MKNK1: variants seen among roughly 807,000 people sequenced by gnomAD.
MKNK1 encodes the protein MAPK interacting serine/threonine kinase 1.
MKNK1 carries 30 observed loss-of-function variants against 49.3 expected under a neutral mutation model. The ratio of observed to expected loss-of-function variants is 0.61; its 90% CI spans 0.46 to 0.83. MKNK1 has a LOEUF of 0.83. Among genes scored for constraint, MKNK1 ranks in the 40% least tolerant of loss-of-function variants. The pLI, the probability that MKNK1 is intolerant of heterozygous loss-of-function variation, is 0.00. For missense variants in MKNK1, 423 were observed against 524.7 expected, an observed-to-expected ratio of 0.81 and a Z score of 1.89; for synonymous variants, 176 against 201.7, an observed-to-expected ratio of 0.87 and a Z score of 1.08.
chr1:46,569,309 A>AG (rs1212764541), intron 7 of MKNK1: 1 of 152,284 alleles, frequency 6.6e-6, no homozygotes, highest in Non-Finnish European at 1.5e-5. Flanking sequence ...TTAGCCCATG[A>AG]GGGGTTAACC....
At chr1:46,591,650 C>T (rs909944607) in intron 2 of MKNK1, among the ~76,000 whole-genome samples, 10 of 152,146 alleles carry the variant, frequency 6.6e-5, no homozygotes, top group Admixed American at 1.3e-4. Flanking sequence ...ACGCAGCCCA[C>T]GAGGCTCTCC....
chr1:46,559,902 G>A, intron 12 of MKNK1: 1 of 421,328 alleles, frequency 2.4e-6, no homozygotes, highest in East Asian at 4.5e-5. Flanking sequence ...AAATACAAGG[G>A]CAGAGGGAAG....
chr1:46,586,358 T>C (rs1672569769), intron 2 of MKNK1: 1 of 201,278 alleles, frequency 5.0e-6, no homozygotes, highest in South Asian at 9.1e-5. Context: ...GGAAGTCAGT[T>C]AGGTGCTATG....
chr1:46,558,728 G>A lies in MKNK1; in HGVS notation c.1086C>T (p.His362=), dbSNP rs773196707. The A allele has an allele frequency of 2.2e-5, 35 of 1,614,122 alleles. No homozygotes were observed. The highest frequency in any genetic ancestry group is 2.7e-5 in the African/African-American group (2 of 74,954). The stretch of plus-strand genomic sequence containing the variant: ...GCTCCTCTGCTAGTTCGTTCTCTTC[G>A]TGCTGAGATAGCTGGCGGTTAAGGG... ...AIALNRQLSQ[H]EENELAEEPE... is the part of the protein sequence containing the mutation. Residue 362 remains histidine (H), a synonymous_variant, in exon 13 of 13, where the codon CAC becomes CAT. Transcript: ENST00000371945.
At chr1:46,583,737 G>C (rs535697018) in intron 2 of MKNK1, among the ~76,000 whole-genome samples, 1 of 152,276 alleles carries the variant, frequency 6.6e-6, no homozygotes, top group East Asian at 1.9e-4. Flanking sequence ...AGGCAAGAAG[G>C]GGGTTGGGAG....
intron 1 of MKNK1, among the ~76,000 whole-genome samples, chr1:46,602,913 G>C (rs934559265): frequency 2.4e-4 from 37 of 152,196 alleles, no homozygotes; most frequent in African/African-American, 8.4e-4. Context: ...TTCTAAGCAC[G>C]TGCTGGGCTC....
intron 9 of MKNK1, 67 bp from the exon 10 acceptor site, chr1:46,562,910 G>T: frequency 7.6e-7 from 1 of 1,309,586 alleles, no homozygotes. Context: ...ACAGCAGAGG[G>T]GATGGCAGAG....
intron 4 of MKNK1, among the ~76,000 whole-genome samples, chr1:46,580,218 G>A (rs1345733453): frequency 2.0e-5 from 3 of 152,172 alleles, no homozygotes. Flanking sequence ...GACTTCATTT[G>A]TCAGAATAAT....
At chr1:46,579,886 T>C (rs1308577213) in intron 4 of MKNK1, among the ~76,000 whole-genome samples, 1 of 142,936 alleles carries the variant, frequency 7.0e-6, no homozygotes, top group Admixed American at 6.6e-5. Context: ...TTTTCTTCTT[T>C]TAATTTTTTT....
intron 5 of MKNK1, 80 bp from the exon 6 acceptor site, chr1:46,575,100 G>A: frequency 2.2e-6 from 2 of 921,602 alleles, no homozygotes; most frequent in Admixed American, 2.7e-5. Context: ...AATATACAAT[G>A]AAAAAAATAT....
intron 10 of MKNK1, 157 bp from the exon 11 acceptor site, chr1:46,561,799 G>A (rs773333412): frequency 8.2e-6 from 6 of 732,732 alleles, no homozygotes; most frequent in South Asian, 3.7e-5. Flanking sequence ...GACTCACCCC[G>A]CACTGTCCCC....
intron 9 of MKNK1, among the ~76,000 whole-genome samples, chr1:46,564,063 A>AAAG (rs1668557112): frequency 6.7e-6 from 1 of 149,334 alleles, no homozygotes; most frequent in African/African-American, 2.5e-5. Flanking sequence ...AAAAAAAAAA[A>AAAG]AAGGGTTATT....
intron 3 of MKNK1, 139 bp downstream of exon 3, chr1:46,583,089 A>C (rs1671985701): frequency 1.3e-6 from 1 of 742,138 alleles, no homozygotes; most frequent in African/African-American, 1.7e-5. Flanking sequence ...CCTCATCCCC[A>C]TCTTATCTCC....
Position 46,594,252 on chromosome 1 carries a change from A to G in MKNK1, c.-142T>C, listed in dbSNP as rs1210552256. ...CCTTTGTGCGTAGGTGGCAATCTTC[A>G]GTTCTCCATCGGCCTCTGACATGGA... is the stretch of plus-strand genomic sequence containing the variant. On this transcript the variant is annotated 5_prime_UTR_variant, in exon 2 of 13. An upstream open reading frame in the 5' UTR loses its in-frame stop. Transcript: ENST00000371945. 2 of 859,650 alleles carry G rather than the reference A, an allele frequency of 2.3e-6. No individual in the cohort carries two copies. The highest frequency in any genetic ancestry group is 4.0e-6 in the Non-Finnish European group (2 of 498,610). The allele number at this position is 859,650 out of a possible 1,614,324, so 53.3% of individuals were successfully genotyped here. A position where few individuals can be genotyped will look rare whatever the true frequency, so the allele number is the denominator to read the frequency against.
Position 46,568,443 on chromosome 1 carries a change from C to T in MKNK1, c.513G>A (p.Lys171=). The change falls in exon 8 of 13, where the codon AAG becomes AAA. Residue 171 remains lysine (K), a splice_region_variant and synonymous_variant. Coordinates refer to ENST00000371945, the MANE Select transcript of MKNK1 (RefSeq NM_001135553.4). ...ACATTCCAAATCAGGCCCAAAGTAC[C>T]TTTTCTGGAGATTCACACAATATAT... ...PENILCESPE[K]VSPVKICDFD... 1 of 1,613,972 alleles carries T rather than the reference C, an allele frequency of 6.2e-7. No individual in the cohort carries two copies. The highest frequency in any genetic ancestry group is 8.5e-7 in the Non-Finnish European group (1 of 1,179,920).
intron 7 of MKNK1, chr1:46,570,398 T>C (rs973476568): frequency 3.9e-5 from 6 of 152,284 alleles, no homozygotes; most frequent in Non-Finnish European, 7.3e-5. Context: ...CTATTCATCA[T>C]GCTGCGGAAG....
intron 8 of MKNK1, among the ~76,000 whole-genome samples, chr1:46,565,709 A>G (rs956545387): frequency 6.6e-6 from 1 of 152,216 alleles, no homozygotes; most frequent in African/African-American, 2.4e-5. Context: ...CCAGAACTGG[A>G]TGCTGTGCCT....
Position 46,589,607 on chromosome 1 carries a change from T to C in MKNK1, c.-3+4506A>G, listed in dbSNP as rs555082269. Among the ~76,000 whole-genome samples the C allele has an allele frequency of 6.6e-6, 1 of 152,142 alleles. No homozygotes were observed. The highest frequency in any genetic ancestry group is 1.5e-5 in the Non-Finnish European group (1 of 68,014). ...GAACGAGCACTGATGGTACTGAAGG[T>C]ATAGTAAGTGTGAAGGATACAGATC... On this transcript the variant is annotated intron_variant, in intron 2 of 12. Coordinates refer to ENST00000371945, the MANE Select transcript of MKNK1 (RefSeq NM_001135553.4). This position sits in a 1 kb window ranked among gnomAD's most constrained non-coding sequence, Gnocchi z 4.3.
intron 4 of MKNK1, among the ~76,000 whole-genome samples, chr1:46,579,736 C>T (rs1671475220): frequency 1.3e-5 from 2 of 152,204 alleles, no homozygotes; most frequent in African/African-American, 4.8e-5. Flanking sequence ...TCCAGCTCTT[C>T]TTCCATGTGG....
Sources: gnomAD v4.1 joint callset for allele counts (sites outside exome capture counted in the v4.1 genomes callset) on GRCh38, gnomAD v4.1.1 for gene constraint, Gnocchi (gnomAD v3.1) non-coding constraint, MANE v1.5 for transcripts, NCBI Gene and HGNC (gene_info 2026-07-23, HGNC 2026-07-21) for gene names.